The following LEPR variants were observed in gnomAD, a reference collection of about 807,000 sequenced individuals.
The protein encoded by LEPR is leptin receptor.
A neutral mutation model predicts 114.7 loss-of-function variants in LEPR; 56 were observed. The observed-to-expected ratio is 0.49, with a 90% CI of 0.39 to 0.61. The LOEUF (loss-of-function observed/expected upper bound fraction) is 0.61, where lower values mean the gene tolerates loss of function less well. LEPR is among the 20% of genes least tolerant of loss of function. LEPR has a pLI of 0.00. For missense variants in LEPR, 1,202 were observed against 1,352.9 expected (o/e 0.89, Z 1.75); for synonymous variants, 443 against 461.4 (o/e 0.96, Z 0.51).
intron 2 of LEPR, among the ~76,000 whole-genome samples, chr1:65,503,551 C>T (rs2100530813): frequency 6.6e-6 from 1 of 152,002 alleles, no homozygotes; most frequent in Admixed American, 6.6e-5. Context: ...AATTCTGAAA[C>T]CATCATACAT....
chr1:65,434,905 T>C, intron 2 of LEPR: 2 of 985,450 alleles, frequency 2.0e-6, no homozygotes, highest in Non-Finnish European at 2.4e-6. Flanking sequence ...CAGATCACAC[T>C]TCATCACAGA....
chr1:65,438,159 G>T, intron 2 of LEPR, among the ~76,000 whole-genome samples: 1 of 115,718 alleles, frequency 8.6e-6, no homozygotes, highest in Non-Finnish European at 1.7e-5. Context: ...ACTGAGGTTT[G>T]GCATTTATTG....
chr1:65,601,793 A>T (rs530071224), intron 9 of LEPR, 50 bp from the exon 10 acceptor site: 3 of 1,581,432 alleles, frequency 1.9e-6, no homozygotes, highest in Admixed American at 3.5e-5. Flanking sequence ...TTTTCATTGA[A>T]TTTTTTGGAG....
At chr1:65,581,059 C>T (rs1248755441) in intron 5 of LEPR, among the ~76,000 whole-genome samples, 1 of 152,158 alleles carries the variant, frequency 6.6e-6, no homozygotes, top group Non-Finnish European at 1.5e-5. Flanking sequence ...TTACTCCTGC[C>T]AGCATTCTTG....
At chr1:65,526,763 T>C (rs1012469564) in intron 2 of LEPR, among the ~76,000 whole-genome samples, 2 of 152,210 alleles carry the variant, frequency 1.3e-5, no homozygotes, top group African/African-American at 4.8e-5. Context: ...ATTAAGATAA[T>C]TTCTGAGGGC....
chr1:65,429,874 C>A, intron 2 of LEPR: 1 of 1,496,694 alleles, frequency 6.7e-7, no homozygotes, highest in Non-Finnish European at 9.1e-7. Flanking sequence ...TTTACTGGCC[C>A]TTATTCGTCC....
intron 5 of LEPR, among the ~76,000 whole-genome samples, chr1:65,579,868 A>G (rs1330162442): frequency 6.6e-6 from 1 of 152,212 alleles, no homozygotes; most frequent in African/African-American, 2.4e-5. Context: ...ACTTAGTTAT[A>G]GCTGAGAATT....
intron 2 of LEPR, among the ~76,000 whole-genome samples, chr1:65,535,043 C>A (rs1305373589): frequency 2.0e-5 from 3 of 152,012 alleles, no homozygotes; most frequent in African/African-American, 7.2e-5. Context: ...TCTGTGCACA[C>A]CAACAGAATT....
intron 2 of LEPR, among the ~76,000 whole-genome samples, chr1:65,514,286 C>A (rs1457194593): frequency 3.3e-5 from 5 of 152,202 alleles, no homozygotes; most frequent in Non-Finnish European, 7.3e-5. Flanking sequence ...GATGTTTCAA[C>A]AGATCAGGAG....
rs745517573 is a variant in LEPR, at chr1:65,601,440, T to C, written c.1043T>C (p.Val348Ala). 2 of 1,613,614 alleles carry C rather than the reference T, an allele frequency of 1.2e-6. No individual in the cohort carries two copies. The highest frequency in any genetic ancestry group is 3.3e-5 in the Admixed American group (2 of 60,006). Residue 348 changes from valine to alanine, a missense_variant, in exon 9 of 20, where the codon GTT becomes GCT. Coordinates refer to ENST00000349533, the MANE Select transcript of LEPR (RefSeq NM_002303.6). ...PKILTSVGSNVSFHCIYKKEN... is the reference protein window; with the variant it reads ...PKILTSVGSNASFHCIYKKEN... Reference sequence around the variant, plus strand: ...ATTCTGACAAGTGTTGGGTCTAATGTTTCTTTTCACTGCATCTATAAGAAG... The same window carrying C: ...ATTCTGACAAGTGTTGGGTCTAATGCTTCTTTTCACTGCATCTATAAGAAG...
At chr1:65,520,814 G>A (rs2100581248) in intron 2 of LEPR, among the ~76,000 whole-genome samples, 1 of 152,374 alleles carries the variant, frequency 6.6e-6, no homozygotes, top group East Asian at 1.9e-4. Flanking sequence ...ATTGGCTGAA[G>A]TAAAGGGATG....
chr1:65,559,717 T>C lies in LEPR; in HGVS notation c.-20-5829T>C, dbSNP rs1254160769. Among the ~76,000 whole-genome samples the C allele has an allele frequency of 1.6e-4, 21 of 135,116 alleles. 1 individual carries two copies. The highest frequency in any genetic ancestry group is 5.3e-4 in the South Asian group (2 of 3,758). The allele number at this position is 135,116 out of a possible 152,430, so 88.6% of individuals were successfully genotyped here. ...TTTAAATCTTTAATCCATCTTGAAT[T>C]GATTTTTGTGTAAGGTGTAAGGAAG... On this transcript the variant is annotated intron_variant, in intron 2 of 19. Coordinates refer to ENST00000349533, the MANE Select transcript of LEPR (RefSeq NM_002303.6).
chr1:65,488,864 T>C (rs1017606086), intron 2 of LEPR, among the ~76,000 whole-genome samples: 6 of 152,042 alleles, frequency 3.9e-5, no homozygotes, highest in African/African-American at 1.4e-4. Context: ...AGTGAGAACA[T>C]GAGAAGTTTG....
At chr1:65,578,436 C>A (rs1046518799) in intron 5 of LEPR, 5 of 213,626 alleles carry the variant, frequency 2.3e-5, no homozygotes, top group Non-Finnish European at 4.0e-5. Flanking sequence ...CTGGCAGTGG[C>A]CTTCCAGGAC....
At chr1:65,621,516 C>A in intron 18 of LEPR, 58 bp downstream of exon 18, 1 of 1,423,898 alleles carries the variant, frequency 7.0e-7, no homozygotes. Context: ...TATTCAAACC[C>A]TGATTTAAAA....
intron 2 of LEPR, among the ~76,000 whole-genome samples, chr1:65,467,981 C>A (rs912631093): frequency 2.6e-5 from 4 of 152,214 alleles, no homozygotes; most frequent in Non-Finnish European, 5.9e-5. Flanking sequence ...AATCCCCTGA[C>A]CCCTTGCGCT....
chr1:65,549,303 C>T (rs1338158571), intron 2 of LEPR, among the ~76,000 whole-genome samples: 15 of 140,542 alleles, frequency 1.1e-4, no homozygotes, highest in Non-Finnish European at 1.9e-4. Flanking sequence ...TTGCTCTTCT[C>T]GAGGAGTATC....
Position 65,601,917 on chromosome 1 carries a change from A to C in LEPR, c.1360A>C (p.Ile454Leu). Reference protein sequence around the residue: ...KMTCRWSTSTIQSLAESTLQL... With the variant: ...KMTCRWSTSTLQSLAESTLQL... ...GACTTGCAGATGGTCAACCAGTACAATCCAGTCACTTGCGGAAAGCACTTT... is the reference window on the plus strand; with the variant it reads ...GACTTGCAGATGGTCAACCAGTACACTCCAGTCACTTGCGGAAAGCACTTT... Residue 454 changes from isoleucine (I) to leucine (L), a missense_variant, in exon 10 of 20, where the codon ATC (isoleucine) becomes CTC (leucine). By Grantham distance (5) the Ile-to-Leu change is conservative. Transcript: ENST00000349533. 6.2e-7 allele frequency: 1 copy of C among 1,613,712 alleles called. No individual in the cohort carries two copies. Among genetic ancestry groups the C allele is most frequent in the African/African-American group, 1.3e-5 (1 of 75,026 alleles).
At chr1:65,587,014 C>CT (rs1245046875) in intron 5 of LEPR, among the ~76,000 whole-genome samples, 4 of 134,466 alleles carry the variant, frequency 3.0e-5, no homozygotes, top group African/African-American at 1.1e-4. Flanking sequence ...TTTAAATTCG[C>CT]CCTTTTTTAC....
Sources: allele counts gnomAD v4.1 joint callset (sites outside exome capture counted in the v4.1 genomes callset), GRCh38; gene constraint gnomAD v4.1.1; transcripts MANE v1.5; gene names NCBI Gene and HGNC (gene_info 2026-07-23, HGNC 2026-07-21).